The following PRKAR1B variants were observed in gnomAD, a reference collection of about 807,000 sequenced individuals.
PRKAR1B encodes protein kinase cAMP-dependent type I regulatory subunit beta.
PRKAR1B carries 22 observed loss-of-function variants against 46.5 expected under a neutral mutation model. The ratio of observed to expected loss-of-function variants is 0.47; its 90% CI spans 0.34 to 0.68. The LOEUF is 0.68. Among genes scored for constraint, PRKAR1B ranks in the 30% least tolerant of loss-of-function variants. The pLI is 0.01. For missense variants in PRKAR1B, 445 were observed against 535.6 expected (o/e 0.83, Z 1.67); for synonymous variants, 259 against 217.7 (o/e 1.19, Z -1.67).
In PRKAR1B at chr7:560,631, G is replaced by T. The variant is rs1237533992; in HGVS notation, c.892-9161C>A. On this transcript the variant is annotated intron_variant, in intron 9 of 10. Transcript: ENST00000537384. This position sits in a 1 kb window ranked among gnomAD's most constrained non-coding sequence, Gnocchi z 4.2. ...CGCAGACCAAGAGTCGAAGAGTCTG[G>T]GTCCAGCCTCAGCTCTGCAATGCAC... is the stretch of plus-strand genomic sequence containing the variant. Among the ~76,000 whole-genome samples the T allele has an allele frequency of 6.6e-6, 1 of 152,104 alleles. No individual in the cohort carries two copies. Among genetic ancestry groups the T allele is most frequent in the Non-Finnish European group, 1.5e-5 (1 of 68,014 alleles).
At chr7:717,048 T>C (rs1780907003) in intron 1 of PRKAR1B, among the ~76,000 whole-genome samples, 2 of 152,172 alleles carry the variant, frequency 1.3e-5, no homozygotes, top group Non-Finnish European at 2.9e-5. Context: ...CCCAGCACTT[T>C]GGGAGGCCAA....
At chr7:724,056 C>T (rs965471247) in intron 1 of PRKAR1B, among the ~76,000 whole-genome samples, 2 of 152,190 alleles carry the variant, frequency 1.3e-5, no homozygotes, top group Admixed American at 6.5e-5. Flanking sequence ...TCAATCACGT[C>T]TGCAAAGACC....
chr7:641,382 G>C (rs1276664616), intron 4 of PRKAR1B, among the ~76,000 whole-genome samples: 2 of 152,170 alleles, frequency 1.3e-5, no homozygotes, highest in African/African-American at 4.8e-5. Flanking sequence ...GTTCATAATA[G>C]CTCCAAACAG....
At chr7:645,405 C>T (rs1397987805) in intron 4 of PRKAR1B, among the ~76,000 whole-genome samples, 1 of 152,196 alleles carries the variant, frequency 6.6e-6, no homozygotes, top group Non-Finnish European at 1.5e-5. Flanking sequence ...AATCCCAGCA[C>T]TTTGGGAGGC....
At chr7:601,422 A>T (rs918412768) in intron 6 of PRKAR1B, among the ~76,000 whole-genome samples, 2 of 152,212 alleles carry the variant, frequency 1.3e-5, no homozygotes, top group African/African-American at 4.8e-5. Flanking sequence ...TAATAACAGT[A>T]ATTATTATAA....
At chr7:607,834 T>A (rs1782193085) in intron 4 of PRKAR1B, 3 of 211,654 alleles carry the variant, frequency 1.4e-5, no homozygotes, top group South Asian at 1.4e-4. Flanking sequence ...GCAATCTTGA[T>A]GACATGTTTT....
chr7:652,411 A>G (rs1308577284), intron 4 of PRKAR1B, among the ~76,000 whole-genome samples: 1 of 149,054 alleles, frequency 6.7e-6, no homozygotes, highest in Non-Finnish European at 1.5e-5. Context: ...CAGCACTAGG[A>G]ACCTGGGGAA....
At chr7:708,257 A>G (rs1283519927) in intron 2 of PRKAR1B, among the ~76,000 whole-genome samples, 1 of 152,130 alleles carries the variant, frequency 6.6e-6, no homozygotes, top group Admixed American at 6.5e-5. Context: ...ACACAGACCC[A>G]GAAGGAGCCA....
chr7:665,677 G>GT (rs1283389742), intron 4 of PRKAR1B, among the ~76,000 whole-genome samples: 5 of 152,150 alleles, frequency 3.3e-5, no homozygotes, highest in Non-Finnish European at 7.4e-5. Flanking sequence ...TGCTAATTTT[G>GT]TTTTTTTAAT....
intron 9 of PRKAR1B, among the ~76,000 whole-genome samples, chr7:553,735 T>C (rs1259642703): frequency 6.6e-6 from 1 of 150,562 alleles, no homozygotes; most frequent in African/African-American, 2.5e-5. Flanking sequence ...ACCTCATCAG[T>C]CTGGGAGAGA....
At chr7:617,629 TGG>T (rs1320030631) in intron 4 of PRKAR1B, among the ~76,000 whole-genome samples, 1 of 152,204 alleles carries the variant, frequency 6.6e-6, no homozygotes, top group Non-Finnish European at 1.5e-5. Context: ...CACTGGGTGA[TGG>T]GTCCTTGTCA....
chr7:677,147 C>T (rs1778373246), intron 4 of PRKAR1B, 82 bp downstream of exon 4: 1 of 1,355,860 alleles, frequency 7.4e-7, no homozygotes, highest in Admixed American at 1.7e-5. Flanking sequence ...CAGTGATGCC[C>T]AGGCAAGTGG....
chr7:698,797 T>G (rs2128521090), intron 2 of PRKAR1B, among the ~76,000 whole-genome samples: 1 of 152,176 alleles, frequency 6.6e-6, no homozygotes, highest in Middle Eastern at 3.4e-3. Flanking sequence ...CATCCTTGCC[T>G]GTGTGTGCAT....
In PRKAR1B at chr7:583,059, G is replaced by C. The variant is rs139228509; in HGVS notation, c.769+1449C>G. Among the ~76,000 whole-genome samples the C allele has an allele frequency of 9.4e-3, 1,423 of 152,132 alleles. 9 individuals carry two copies. The highest frequency in any genetic ancestry group is 0.018 in the African/African-American group (727 of 41,516). On this transcript the variant is annotated intron_variant, in intron 8 of 10. Transcript: ENST00000537384. ...GGAGGGTCCGGGGGCTGCCAGGGCC[G>C]GGAGGGCAGGGGGGGTGACGGCTCA...
chr7:617,517 A>G (rs1782895415), intron 4 of PRKAR1B, among the ~76,000 whole-genome samples: 1 of 152,140 alleles, frequency 6.6e-6, no homozygotes, highest in African/African-American at 2.4e-5. Context: ...GTGCAAATGC[A>G]TGTGTTGGGC....
At chr7:722,652 G>A (rs180924594) in intron 1 of PRKAR1B, among the ~76,000 whole-genome samples, 7 of 152,396 alleles carry the variant, frequency 4.6e-5, no homozygotes, top group Admixed American at 1.3e-4. Flanking sequence ...GATGACAGGC[G>A]TGAGCCACCG....
intron 6 of PRKAR1B, among the ~76,000 whole-genome samples, chr7:597,897 T>A (rs1781355983): frequency 6.6e-6 from 1 of 152,226 alleles, no homozygotes; most frequent in African/African-American, 2.4e-5. Context: ...AATAGGAACG[T>A]GCCCAACTCT....
chr7:584,750 C>T (rs1780503689), intron 7 of PRKAR1B, among the ~76,000 whole-genome samples, 182 bp from the exon 8 acceptor site: 1 of 152,198 alleles, frequency 6.6e-6, no homozygotes, highest in African/African-American at 2.4e-5. Flanking sequence ...CTATGCCCCC[C>T]ACCTCCCTCC....
intron 4 of PRKAR1B, among the ~76,000 whole-genome samples, chr7:609,841 AG>A (rs1259686662): frequency 1.3e-5 from 2 of 152,226 alleles, no homozygotes; most frequent in East Asian, 3.9e-4. Context: ...CCTGGGTTTA[AG>A]GTGTCCTCTC....
Sources: allele counts gnomAD v4.1 joint callset (sites outside exome capture counted in the v4.1 genomes callset), GRCh38; gene constraint gnomAD v4.1.1; non-coding constraint Gnocchi (gnomAD v3.1); transcripts MANE v1.5; gene names NCBI Gene and HGNC (gene_info 2026-07-23, HGNC 2026-07-21).